USP31: variants seen among roughly 807,000 people sequenced by gnomAD.
USP31 encodes ubiquitin specific peptidase 31.
A neutral mutation model predicts 119.4 loss-of-function variants in USP31; 44 were observed. The ratio of observed to expected loss-of-function variants is 0.37; its 90% confidence interval spans 0.29 to 0.47. The LOEUF (loss-of-function observed/expected upper bound fraction) is 0.47. Among genes scored for constraint, USP31 ranks in the 20% least tolerant of loss-of-function variants. The pLI, the probability that USP31 is intolerant of heterozygous loss-of-function variation, is 0.99. For synonymous variants in USP31, 749 were observed against 705.6 expected, an observed-to-expected ratio of 1.06 and a Z score of -0.97; for missense variants, 1,643 against 1,730.2, an observed-to-expected ratio of 0.95 and a Z score of 0.89.
At chr16:23,100,108 A>G (rs965079554) in intron 6 of USP31, among the ~76,000 whole-genome samples, 1 of 152,184 alleles carries the variant, frequency 6.6e-6, no homozygotes, top group Non-Finnish European at 1.5e-5. Context: ...CCACTTTGGA[A>G]AAGTCTGTAA....
chr16:23,094,444 C>T (rs993624138), intron 6 of USP31, among the ~76,000 whole-genome samples: 1 of 152,206 alleles, frequency 6.6e-6, no homozygotes, highest in African/African-American at 2.4e-5. Context: ...AGGCAGCAGA[C>T]AGCTTCTGCA....
At chr16:23,147,182 C>T (rs958727711) in intron 1 of USP31, among the ~76,000 whole-genome samples, 2 of 152,192 alleles carry the variant, frequency 1.3e-5, no homozygotes, top group African/African-American at 4.8e-5. Context: ...GATCTCGGCT[C>T]ACTGCAACGT....
chr16:23,092,936 C>A (rs999752338), intron 6 of USP31, among the ~76,000 whole-genome samples: 4 of 152,074 alleles, frequency 2.6e-5, no homozygotes, highest in Admixed American at 6.5e-5. Context: ...TCAATGAGGA[C>A]AGTACAATCT....
At chr16:23,127,567 A>G (rs1040204752) in intron 1 of USP31, among the ~76,000 whole-genome samples, 1 of 151,442 alleles carries the variant, frequency 6.6e-6, no homozygotes, top group Non-Finnish European at 1.5e-5. Context: ...GGTTCAAGTG[A>G]TTCTCCTGCC....
chr16:23,098,035 C>T (rs1229826038), intron 6 of USP31, among the ~76,000 whole-genome samples: 5 of 152,134 alleles, frequency 3.3e-5, no homozygotes, highest in Admixed American at 3.3e-4. Flanking sequence ...GTCAAATTGT[C>T]CCTGTTTGCA....
At chr16:23,105,083 T>C (rs534954458) in intron 5 of USP31, among the ~76,000 whole-genome samples, 5 of 152,290 alleles carry the variant, frequency 3.3e-5, no homozygotes, top group Non-Finnish European at 7.3e-5. Flanking sequence ...ACTGCTCAAG[T>C]TTTCAAAGCC....
chr16:23,136,133 G>C (rs1188595960), intron 1 of USP31, among the ~76,000 whole-genome samples: 1 of 152,028 alleles, frequency 6.6e-6, no homozygotes, highest in African/African-American at 2.4e-5. Flanking sequence ...TATAGTCCTG[G>C]GAAAACTGGA....
chr16:23,081,776 T>G (rs1045965144), intron 12 of USP31, among the ~76,000 whole-genome samples: 11 of 152,154 alleles, frequency 7.2e-5, no homozygotes, highest in African/African-American at 2.7e-4. Flanking sequence ...GCTCCCAGCC[T>G]CTCGTGCAGG....
rs542206033 is a variant in USP31 at position 23,103,371 on chromosome 16, TAA to T, written c.1090-910_1090-909del. On this transcript the variant is annotated intron_variant, in intron 5 of 15. Coordinates refer to ENST00000219689, the MANE Select transcript of USP31 (RefSeq NM_020718.4). ...ATGTAGTATAGCCTTACTGGAATTA[TAA>T]AGCTACTAAAAAGAATAAACTATAT... Among the ~76,000 whole-genome samples the T allele has an allele frequency of 9.9e-5, 15 of 152,236 alleles. No homozygotes were observed. The South Asian group carries it at 2.5e-3, about 25-fold the overall frequency.
intron 1 of USP31, among the ~76,000 whole-genome samples, chr16:23,146,551 T>G (rs1246989211): frequency 6.6e-6 from 1 of 152,034 alleles, no homozygotes; most frequent in African/African-American, 2.4e-5. Context: ...ATAATAATAA[T>G]TTTGAGATCA....
Position 23,068,861 on chromosome 16 carries a change from T to C in USP31, c.3244A>G (p.Arg1082Gly), listed in dbSNP as rs771867650. 1.6e-5 allele frequency: 26 copies of C among 1,580,318 alleles called. No homozygotes were observed. Among genetic ancestry groups the C allele is most frequent in the Non-Finnish European group, 2.2e-5 (26 of 1,164,706 alleles). Residue 1082 changes from arginine (R) to glycine (G), a missense_variant, in exon 16 of 16, where the codon AGG becomes GGG. By Grantham distance (125) the Arg-to-Gly change is moderately radical. Coordinates refer to ENST00000219689, the MANE Select transcript of USP31 (RefSeq NM_020718.4). ...GGGGATGAATGCCGTCCACTGCCCCTGGAAGAAGAATCTGCTTTGCTGCGG... is the reference window on the plus strand; with the variant it reads ...GGGGATGAATGCCGTCCACTGCCCCCGGAAGAAGAATCTGCTTTGCTGCGG... ...RSRSKADSSSRGSGRHSSPAP... is the reference protein window; with the variant it reads ...RSRSKADSSSGGSGRHSSPAP...
intron 1 of USP31, among the ~76,000 whole-genome samples, chr16:23,134,481 A>C (rs947580921): frequency 6.6e-6 from 1 of 152,174 alleles, no homozygotes; most frequent in Non-Finnish European, 1.5e-5. Context: ...GAGGAAATTA[A>C]GCCCAAAGAG....
intron 1 of USP31, 78 bp downstream of exon 1, chr16:23,148,560 C>A: frequency 7.2e-7 from 1 of 1,383,970 alleles, no homozygotes. Flanking sequence ...CAAGAGGAAC[C>A]GAGGGAAGGA....
intron 1 of USP31, among the ~76,000 whole-genome samples, chr16:23,136,587 G>A (rs1057473423): frequency 1.3e-5 from 2 of 151,078 alleles, no homozygotes; most frequent in Non-Finnish European, 2.9e-5. Context: ...CCAGGAGCCG[G>A]AGGCTGCAGT....
intron 5 of USP31, among the ~76,000 whole-genome samples, chr16:23,104,445 C>G (rs1902009439): frequency 6.6e-6 from 1 of 152,370 alleles, no homozygotes; most frequent in East Asian, 1.9e-4. Flanking sequence ...CTGGACACCA[C>G]CGAAGCCTCG....
rs200256728 is a variant in USP31 at position 23,096,495 on chromosome 16, A to ATAT, written c.1235-5692_1235-5691insATA. ...CTCAGCTCTGCACCAAGCAGACCTA[A>ATAT]TAGACATCTACAGAACTCTCCACCC... is the stretch of plus-strand genomic sequence containing the variant. On this transcript the variant is annotated intron_variant, in intron 6 of 15. Coordinates refer to ENST00000219689, the MANE Select transcript of USP31 (RefSeq NM_020718.4). Among the ~76,000 whole-genome samples, 820 of 152,352 alleles carry ATAT rather than the reference A, an allele frequency of 5.4e-3. 24 individuals carry two copies. In the East Asian group the frequency reaches 0.073, roughly 14 times the overall value.
chr16:23,078,410 A>T (rs957017290), intron 13 of USP31, among the ~76,000 whole-genome samples: 2 of 152,000 alleles, frequency 1.3e-5, no homozygotes, highest in Non-Finnish European at 2.9e-5. Flanking sequence ...TGCAGAAGGC[A>T]TGCGCCACTC....
intron 1 of USP31, among the ~76,000 whole-genome samples, chr16:23,141,902 G>T (rs1464747540): frequency 1.3e-5 from 2 of 152,138 alleles, no homozygotes; most frequent in East Asian, 3.8e-4. Flanking sequence ...CAAATAAAAG[G>T]ATGAATAAAT....
rs1296609988 is a variant in USP31, at chr16:23,105,523, A to G, written c.1007T>C (p.Ile336Thr). 1.4e-5 allele frequency: 23 copies of G among 1,614,022 alleles called. No homozygotes were observed. The Admixed American group carries it at 3.2e-4, about 22-fold the overall frequency. ...YQGKCSHCMR[I>T]GVAVPLSGTV... is the part of the protein sequence containing the mutation. ...CCCAGACAGAGGTACGGCCACACCA[A>G]TCCTCATGCAGTGAGAACATTTGCC... Residue 336 changes from isoleucine (I) to threonine (T), a missense_variant, in exon 5 of 16, where the codon ATT becomes ACT. Coordinates refer to ENST00000219689, the MANE Select transcript of USP31 (RefSeq NM_020718.4).
Sources: allele counts gnomAD v4.1 joint callset (sites outside exome capture counted in the v4.1 genomes callset), GRCh38; gene constraint gnomAD v4.1.1; transcripts MANE v1.5; gene names NCBI Gene and HGNC (gene_info 2026-07-23, HGNC 2026-07-21).